Variants in SHPRH observed in about 807,000 individuals in gnomAD.
SHPRH encodes the protein E3 ubiquitin-protein ligase SHPRH.
SHPRH carries 106 observed loss-of-function variants against 202.5 expected under a neutral mutation model. That is an observed-to-expected ratio of 0.52 (90% CI 0.45 to 0.62). The LOEUF (loss-of-function observed/expected upper bound fraction) is 0.62. SHPRH is among the 20% of genes least tolerant of loss of function. SHPRH has a pLI of 0.00. For synonymous variants in SHPRH, 729 were observed against 686.0 expected, an observed-to-expected ratio of 1.06 and a Z score of -0.98; for missense variants, 1,710 against 2,020.0, an observed-to-expected ratio of 0.85 and a Z score of 2.94.
At chr6:145,946,178 A>T in intron 7 of SHPRH, 55 bp downstream of exon 7, 1 of 1,289,386 alleles carries the variant, frequency 7.8e-7, no homozygotes, top group Non-Finnish European at 1.1e-6. Context: ...GATTGCAAGA[A>T]CTCTAGCAAA....
chr6:145,956,850 A>G (rs1308163378), intron 1 of SHPRH, among the ~76,000 whole-genome samples: 9 of 152,142 alleles, frequency 5.9e-5, no homozygotes, highest in South Asian at 2.1e-4. Context: ...TAGAAAAGCA[A>G]TCCCATTCAA....
chr6:145,949,655 A>G (rs986756710), intron 4 of SHPRH, among the ~76,000 whole-genome samples: 2 of 152,024 alleles, frequency 1.3e-5, no homozygotes, highest in African/African-American at 4.8e-5. Context: ...GTATACTAAA[A>G]GCCCAGACTT....
intron 2 of SHPRH, among the ~76,000 whole-genome samples, chr6:145,873,626 A>C (rs1245053225): frequency 6.7e-6 from 1 of 150,018 alleles, no homozygotes; most frequent in Non-Finnish European, 1.5e-5. Context: ...CATGCTTCCC[A>C]GCAGCATACT....
intron 3 of SHPRH, among the ~76,000 whole-genome samples, chr6:145,951,273 A>C (rs1201723988): frequency 1.3e-5 from 2 of 152,126 alleles, no homozygotes; most frequent in Non-Finnish European, 2.9e-5. Flanking sequence ...TTTCAAGGTG[A>C]AAAAGTATAT....
chr6:145,896,968 T>G lies in SHPRH; in HGVS notation c.4516-1991A>C, dbSNP rs189315088. Among the ~76,000 whole-genome samples, 704 of 151,834 alleles carry G rather than the reference T, an allele frequency of 4.6e-3. 3 individuals are homozygous for G. Among genetic ancestry groups the G allele is most frequent in the African/African-American group, 0.015 (639 of 41,452 alleles). ...AAGAGAAATGTTCTAAATAAACAAC[T>G]AATGTTGCACCACAAGGAACTGGAA... On this transcript the variant is annotated intron_variant, in intron 25 of 29. Coordinates refer to ENST00000275233, the MANE Select transcript of SHPRH (RefSeq NM_001042683.3).
intron 5 of SHPRH, among the ~76,000 whole-genome samples, 167 bp from the exon 6 acceptor site, chr6:145,947,810 C>G (rs1314949442): frequency 1.3e-5 from 2 of 151,932 alleles, no homozygotes; most frequent in Non-Finnish European, 2.9e-5. Context: ...AACATTAGAA[C>G]TGTGATAACC....
At chr6:145,900,873 T>C (rs1782446751) in intron 25 of SHPRH, among the ~76,000 whole-genome samples, 1 of 152,150 alleles carries the variant, frequency 6.6e-6, no homozygotes, top group Admixed American at 6.6e-5. Context: ...TGGGTTTTTC[T>C]TGAGTATTTT....
At chr6:145,915,483 A>G (rs1359407491) in intron 23 of SHPRH, among the ~76,000 whole-genome samples, 2 of 151,894 alleles carry the variant, frequency 1.3e-5, no homozygotes, top group Non-Finnish European at 2.9e-5. Context: ...CTGGAGATGA[A>G]TTCTTCCAGT....
Position 145,945,559 on chromosome 6 carries a change from T to C in SHPRH, c.1400A>G (p.Tyr467Cys). Residue 467 changes from tyrosine (Y) to cysteine (C), a missense_variant, in exon 8 of 30, where the codon TAT becomes TGT. Tyr to Cys is a radical substitution (Grantham distance 194, BLOSUM62 -2). This residue lies in a region of SHPRH where 348 missense variants were observed against 356.9 expected (regional missense o/e 0.97). Transcript: ENST00000275233. ...KGVSILSIYK[Y>C]VSSIYRYDVQ... ...ATCGTATCTATATATAGAACTGACA[T>C]ACTTATAGATGGAAAGGATGGACAC... is the stretch of plus-strand genomic sequence containing the variant. 1.2e-6 allele frequency: 2 copies of C among 1,613,050 alleles called. No individual in the cohort carries two copies. Among genetic ancestry groups the C allele is most frequent in the Non-Finnish European group, 1.7e-6 (2 of 1,179,502 alleles).
At chr6:145,861,879 C>T (rs944163542), downstream of SHPRH, among the ~76,000 whole-genome samples, 1 of 152,058 alleles carries the variant, frequency 6.6e-6, no homozygotes, top group Non-Finnish European at 1.5e-5. Flanking sequence ...ACCTGGAAGA[C>T]AGTATATTAA....
chr6:145,934,785 A>G, intron 13 of SHPRH, 122 bp downstream of exon 13: 1 of 876,152 alleles, frequency 1.1e-6, no homozygotes, highest in Non-Finnish European at 1.7e-6. Flanking sequence ...ACCAAAGAAA[A>G]CCCTCTACAC....
At chr6:145,961,493 T>A (rs554306722) in intron 1 of SHPRH, among the ~76,000 whole-genome samples, 1 of 152,344 alleles carries the variant, frequency 6.6e-6, no homozygotes, top group Admixed American at 6.5e-5. Context: ...GCCAATGGAA[T>A]GTGAGAAGTA....
At chr6:145,961,197 G>A (rs947307889) in intron 1 of SHPRH, among the ~76,000 whole-genome samples, 1 of 152,088 alleles carries the variant, frequency 6.6e-6, no homozygotes, top group African/African-American at 2.4e-5. Flanking sequence ...CGCAGGATGG[G>A]GGACCACAGA....
chr6:145,945,015 A>G (rs1391263955), intron 8 of SHPRH, among the ~76,000 whole-genome samples: 1 of 152,092 alleles, frequency 6.6e-6, no homozygotes, highest in East Asian at 1.9e-4. Flanking sequence ...AGCTATGACC[A>G]CTGCATTCTA....
chr6:145,900,795 AATT>A (rs1032409564), intron 25 of SHPRH, among the ~76,000 whole-genome samples: 2 of 152,080 alleles, frequency 1.3e-5, no homozygotes, highest in Non-Finnish European at 2.9e-5. Flanking sequence ...ATCTTACGTA[AATT>A]ATTATAGTGT....
chr6:145,934,473 T>TAAAATAAAATA (rs147801120), intron 13 of SHPRH, among the ~76,000 whole-genome samples: 4 of 131,848 alleles, frequency 3.0e-5, no homozygotes, highest in Non-Finnish European at 4.7e-5. Context: ...TCTCAAAAAA[T>TAAAATAAAATA]AAATAAAATA....
intron 28 of SHPRH, among the ~76,000 whole-genome samples, chr6:145,890,637 T>C (rs1258720181): frequency 2.0e-5 from 3 of 152,152 alleles, no homozygotes; most frequent in Non-Finnish European, 4.4e-5. Flanking sequence ...CTATCTAAAC[T>C]CTGTCTCTAT....
At chr6:145,949,766 A>G (rs184915182) in intron 4 of SHPRH, among the ~76,000 whole-genome samples, 5 of 152,230 alleles carry the variant, frequency 3.3e-5, no homozygotes, top group African/African-American at 1.2e-4. Flanking sequence ...TGCCTCCCGT[A>G]AAACTACTAC....
rs1200242419 is a variant in SHPRH, at chr6:145,873,713, A to AAGGG, written c.222-9226_222-9223dup. Among the ~76,000 whole-genome samples the AAGGG allele has an allele frequency of 8.4e-3, 740 of 87,954 alleles. 14 individuals carry two copies. Among genetic ancestry groups the AAGGG allele is most frequent in the East Asian group, 0.07 (207 of 2,946 alleles). 57.7% of individuals were successfully genotyped at this position (87,954 alleles called of 152,430 possible). Reference sequence around the variant, plus strand: ...TGCTAGAGGAAGGAAGGAAGGAAGGAAGGGAGGGAGGGAGGGAGGGAGGGA... The same window carrying AAGGG: ...TGCTAGAGGAAGGAAGGAAGGAAGGAAGGGAGGGAGGGAGGGAGGGAGGGAGGGA... On this transcript the variant is annotated intron_variant, in intron 2 of 2. Coordinates refer to the SHPRH transcript ENST00000417762.
Sources: allele counts gnomAD v4.1 joint callset (sites outside exome capture counted in the v4.1 genomes callset), GRCh38; gene constraint gnomAD v4.1.1; regional missense constraint gnomAD v4.1.1; transcripts MANE v1.5; gene names NCBI Gene and HGNC (gene_info 2026-07-23, HGNC 2026-07-21).